Variants in USP15 observed in about 807,000 individuals in gnomAD.
USP15 encodes the protein ubiquitin carboxyl-terminal hydrolase 15.
Under a neutral mutation model 127.1 loss-of-function variants are expected in USP15, and 18 were observed. The ratio of observed to expected loss-of-function variants is 0.14; its 90% confidence interval spans 0.10 to 0.21. The LOEUF (loss-of-function observed/expected upper bound fraction) is 0.21, where lower values mean the gene tolerates loss of function less well. Ranked by LOEUF, USP15 falls within the 10% of genes least tolerant of loss-of-function variation. USP15 has a pLI of 1.00. For missense variants in USP15, 805 were observed against 1,159.9 expected, an observed-to-expected ratio of 0.69 and a Z score of 4.44; for synonymous variants, 364 against 393.7, an observed-to-expected ratio of 0.92 and a Z score of 0.89.
intron 8 of USP15, among the ~76,000 whole-genome samples, chr12:62,357,089 T>G (rs769290881): frequency 3.9e-5 from 6 of 152,082 alleles, no homozygotes; most frequent in Non-Finnish European, 7.4e-5. Context: ...TGGTGCTTTT[T>G]CATAAATATT....
chr12:62,318,437 A>G (rs1381006392), intron 4 of USP15, among the ~76,000 whole-genome samples: 3 of 152,184 alleles, frequency 2.0e-5, no homozygotes, highest in East Asian at 3.9e-4. Flanking sequence ...TTTTCTATCT[A>G]GAAGCACTTT....
intron 8 of USP15, among the ~76,000 whole-genome samples, chr12:62,370,409 G>A (rs1181606285): frequency 6.6e-6 from 1 of 152,050 alleles, no homozygotes; most frequent in Non-Finnish European, 1.5e-5. Context: ...TCTCACCATA[G>A]CCTGTCAGCT....
chr12:62,330,443 G>A (rs921335739), intron 6 of USP15, among the ~76,000 whole-genome samples: 2 of 151,690 alleles, frequency 1.3e-5, no homozygotes, highest in African/African-American at 4.8e-5. Flanking sequence ...ACAAAAATTA[G>A]GCATGGTAAC....
chr12:62,387,802 T>A (rs1015830164), intron 11 of USP15, among the ~76,000 whole-genome samples: 2 of 152,160 alleles, frequency 1.3e-5, no homozygotes, highest in Non-Finnish European at 2.9e-5. Flanking sequence ...TTTGAGAGAC[T>A]TTATATTCCA....
intron 4 of USP15, among the ~76,000 whole-genome samples, chr12:62,318,068 T>G (rs1313944908): frequency 6.6e-6 from 1 of 152,226 alleles, no homozygotes; most frequent in East Asian, 1.9e-4. Flanking sequence ...AACTGGCTAG[T>G]ACAGTTGAAT....
intron 1 of USP15, among the ~76,000 whole-genome samples, chr12:62,275,572 G>C (rs2063470595): frequency 6.6e-6 from 1 of 152,052 alleles, no homozygotes; most frequent in Non-Finnish European, 1.5e-5. Flanking sequence ...AAGCTTGACT[G>C]TAAGGACAAG....
chr12:62,338,187 A>G (rs2065534381), intron 6 of USP15, among the ~76,000 whole-genome samples: 1 of 152,116 alleles, frequency 6.6e-6, no homozygotes, highest in African/African-American at 2.4e-5. Flanking sequence ...CTGGTGTGAG[A>G]TGGTATCTCA....
At chr12:62,273,187 T>C (rs899943714) in intron 1 of USP15, among the ~76,000 whole-genome samples, 4 of 152,092 alleles carry the variant, frequency 2.6e-5, no homozygotes, top group African/African-American at 4.8e-5. Flanking sequence ...ATACTTTTTC[T>C]TACCACTTTT....
At chr12:62,371,456 G>A (rs2066664466) in intron 8 of USP15, among the ~76,000 whole-genome samples, 1 of 152,074 alleles carries the variant, frequency 6.6e-6, no homozygotes, top group African/African-American at 2.4e-5. Context: ...TGTGTCTATG[G>A]ACAAGATAAT....
At chr12:62,327,744 C>T in intron 6 of USP15, 1 of 405,806 alleles carries the variant, frequency 2.5e-6, no homozygotes, top group Non-Finnish European at 4.8e-6. Flanking sequence ...TAATACCCAA[C>T]ACACCATACT....
Position 62,390,971 on chromosome 12 carries a change from G to A in USP15, c.1952G>A (p.Gly651Asp). Reference sequence around the variant, plus strand: ...GGCCCAAATGGCATACATGAAGAAGGCTCACCAAGTAAGACTTTTCTGTTA... The same window carrying A: ...GGCCCAAATGGCATACATGAAGAAGACTCACCAAGTAAGACTTTTCTGTTA... ...GNGPNGIHEE[G>D]SPSEMETDEP... The change falls in exon 15 of 22, where the codon GGC becomes GAC. Residue 651 changes from glycine (G) to aspartate (D), a missense_variant. By Grantham distance (94) the Gly-to-Asp change is moderately conservative. Around this residue, in one of 11 missense-constraint regions of USP15, gnomAD observed 225 missense variants for 239.5 expected, o/e 0.94. Coordinates refer to ENST00000280377, the MANE Select transcript of USP15 (RefSeq NM_001252078.2). 1 of 1,610,406 alleles carries A rather than the reference G, an allele frequency of 6.2e-7. No individual in the cohort carries two copies. Among genetic ancestry groups the A allele is most frequent in the Non-Finnish European group, 8.5e-7 (1 of 1,177,866 alleles).
intron 6 of USP15, chr12:62,336,019 A>G (rs747333814): frequency 4.1e-6 from 4 of 984,272 alleles, no homozygotes; most frequent in Non-Finnish European, 4.8e-6. Context: ...TTCATATCAT[A>G]TGTAGTCTAT....
At chr12:62,302,480 C>T (rs1197926835) in intron 2 of USP15, among the ~76,000 whole-genome samples, 1 of 152,166 alleles carries the variant, frequency 6.6e-6, no homozygotes, top group Non-Finnish European at 1.5e-5. Context: ...GTCCAACCTG[C>T]AGCCCATGGG....
intron 6 of USP15, among the ~76,000 whole-genome samples, chr12:62,343,257 C>T (rs1029950583): frequency 5.3e-5 from 8 of 152,180 alleles, no homozygotes; most frequent in Admixed American, 2.0e-4. Context: ...GCAGATGCCC[C>T]TCCCCTAAAC....
intron 6 of USP15, among the ~76,000 whole-genome samples, chr12:62,347,855 G>T (rs543933659): frequency 6.6e-6 from 1 of 152,022 alleles, no homozygotes; most frequent in Non-Finnish European, 1.5e-5. Flanking sequence ...AAACAACCTC[G>T]TTGAAAAGAA....
chr12:62,315,177 G>A (rs17716446), intron 4 of USP15: 18,760 of 222,376 alleles, frequency 0.084, 991 homozygotes, highest in Middle Eastern at 0.16. Flanking sequence ...TTAGCAACTG[G>A]TGTGTCATTT....
At position 62,317,747 on chromosome 12, in the gene USP15, C is replaced by T. The variant is rs899247869; in HGVS notation, c.475+2831C>T. Among the ~76,000 whole-genome samples the T allele has an allele frequency of 5.3e-5, 8 of 152,236 alleles. No homozygotes were observed. The East Asian group carries it at 1.5e-3, about 29-fold the overall frequency. On this transcript the variant is annotated intron_variant, in intron 4 of 21. Coordinates refer to ENST00000280377, the MANE Select transcript of USP15 (RefSeq NM_001252078.2). ...CCAAATTAATAAAATATTCTGTTTT[C>T]AGCTAGTACTACCTACACTGATATA...
chr12:62,285,297 TG>T (rs2063757399), intron 1 of USP15, among the ~76,000 whole-genome samples: 1 of 152,182 alleles, frequency 6.6e-6, no homozygotes, highest in Non-Finnish European at 1.5e-5. Flanking sequence ...TCACGCTCTA[TG>T]TGTATACATG....
intron 6 of USP15, among the ~76,000 whole-genome samples, chr12:62,341,153 T>G (rs2065634626): frequency 6.6e-6 from 1 of 152,220 alleles, no homozygotes; most frequent in Non-Finnish European, 1.5e-5. Flanking sequence ...TTTTTTGATC[T>G]TTGTTGGTTT....
Sources: gnomAD v4.1 joint callset for allele counts (sites outside exome capture counted in the v4.1 genomes callset) on GRCh38, gnomAD v4.1.1 for gene constraint, gnomAD v4.1.1 regional missense constraint, MANE v1.5 for transcripts, NCBI Gene and HGNC (gene_info 2026-07-23, HGNC 2026-07-21) for gene names.